The following NXPH1 variants were observed in gnomAD, a reference collection of about 807,000 sequenced individuals.
The protein encoded by NXPH1 is neurexophilin 1, also known as neurexophilin-1.
A neutral mutation model predicts 23.7 loss-of-function variants in NXPH1; 5 were observed. The ratio of observed to expected loss-of-function variants is 0.21; its 90% CI spans 0.11 to 0.44. The LOEUF (loss-of-function observed/expected upper bound fraction) is 0.44, where lower values mean the gene tolerates loss of function less well. Among genes scored for constraint, NXPH1 ranks in the 20% least tolerant of loss-of-function variants. NXPH1 has a pLI of 0.99. For missense variants in NXPH1, 324 were observed against 321.6 expected (o/e 1.01, Z -0.06); for synonymous variants, 144 against 122.2 (o/e 1.18, Z -1.18).
chr7:8,568,996 A>G (rs1818599856), intron 2 of NXPH1, among the ~76,000 whole-genome samples: 1 of 151,926 alleles, frequency 6.6e-6, no homozygotes, highest in Admixed American at 6.6e-5. Context: ...AAGCCTTTAA[A>G]ATATTGACCC....
At chr7:8,579,353 AGTTTTTTTT>A in intron 2 of NXPH1, among the ~76,000 whole-genome samples, 1 of 136,192 alleles carries the variant, frequency 7.3e-6, no homozygotes, top group Non-Finnish European at 1.5e-5. Context: ...ATGGAATTCA[AGTTTTTTTT>A]GTTTTTTTTT....
In NXPH1 at chr7:8,751,310, T is replaced by C. The variant is rs1780561288; in HGVS notation, c.357T>C (p.Phe119=). ...IVKTGKFKKM[F]GWGDFHSNIK... is the part of the protein sequence containing the mutation. ...AAACGGGCAAGTTTAAGAAAATGTT[T>C]GGATGGGGCGATTTTCATTCCAACA... Residue 119 remains phenylalanine (F), a synonymous_variant, in exon 3 of 3, where the codon TTT becomes TTC. Coordinates refer to ENST00000405863, the MANE Select transcript of NXPH1 (RefSeq NM_152745.3). This position sits in a 1 kb window ranked among gnomAD's most constrained non-coding sequence, Gnocchi z 4.5. The C allele has an allele frequency of 6.2e-7, 1 of 1,613,846 alleles. No homozygotes were observed. Among genetic ancestry groups the C allele is most frequent in the Non-Finnish European group, 8.5e-7 (1 of 1,179,878 alleles).
chr7:8,459,369 T>C (rs1816653452), intron 2 of NXPH1, among the ~76,000 whole-genome samples: 1 of 152,148 alleles, frequency 6.6e-6, no homozygotes, highest in Admixed American at 6.5e-5. Flanking sequence ...TTATATTCCA[T>C]TAATTTAACT....
intron 2 of NXPH1, among the ~76,000 whole-genome samples, chr7:8,611,409 T>A (rs1337099541): frequency 1.3e-5 from 2 of 152,258 alleles, no homozygotes; most frequent in African/African-American, 4.8e-5. Flanking sequence ...TTCTACAGAT[T>A]ACTTGCTAAA....
chr7:8,627,951 A>G (rs1291949285), intron 2 of NXPH1, among the ~76,000 whole-genome samples: 1 of 152,152 alleles, frequency 6.6e-6, no homozygotes, highest in Non-Finnish European at 1.5e-5. Flanking sequence ...ATGGGCATAA[A>G]GTATATTACA....
chr7:8,663,473 G>T (rs920249144), intron 2 of NXPH1, among the ~76,000 whole-genome samples: 1 of 151,872 alleles, frequency 6.6e-6, no homozygotes, highest in East Asian at 1.9e-4. Flanking sequence ...AAATCCTTGC[G>T]GCATTTTCAT....
intron 2 of NXPH1, among the ~76,000 whole-genome samples, chr7:8,573,939 G>A (rs533788005): frequency 6.6e-6 from 1 of 152,034 alleles, no homozygotes; most frequent in East Asian, 1.9e-4. Context: ...AAAGTGCTAG[G>A]TCAATTCTAT....
At chr7:8,543,946 CTCT>C (rs1470377710) in intron 2 of NXPH1, among the ~76,000 whole-genome samples, 4 of 151,454 alleles carry the variant, frequency 2.6e-5, no homozygotes, top group African/African-American at 9.7e-5. Flanking sequence ...GCTCGGTTCT[CTCT>C]TATTTTTTCT....
intron 2 of NXPH1, among the ~76,000 whole-genome samples, chr7:8,614,749 G>C (rs977598227): frequency 2.6e-5 from 4 of 152,112 alleles, no homozygotes; most frequent in African/African-American, 9.6e-5. Flanking sequence ...TTATGCAGCT[G>C]TGATGAAAGA....
chr7:8,455,093 A>G (rs1220972667), intron 2 of NXPH1, among the ~76,000 whole-genome samples: 3 of 152,296 alleles, frequency 2.0e-5, no homozygotes, highest in African/African-American at 7.2e-5. Flanking sequence ...GTCTTAGATT[A>G]TCAGAGGTAA....
chr7:8,556,799 C>G (rs1818364676), intron 2 of NXPH1, among the ~76,000 whole-genome samples: 1 of 145,060 alleles, frequency 6.9e-6, no homozygotes, highest in Non-Finnish European at 1.6e-5. Flanking sequence ...GAACTCTTTT[C>G]AAACCAAAGA....
chr7:8,556,418 G>T (rs1316277447), intron 2 of NXPH1, among the ~76,000 whole-genome samples: 1 of 151,674 alleles, frequency 6.6e-6, no homozygotes, highest in African/African-American at 2.4e-5. Flanking sequence ...TGTCAAGTTG[G>T]TTCCGGTTGT....
At chr7:8,531,443 A>G (rs1392889181) in intron 2 of NXPH1, among the ~76,000 whole-genome samples, 1 of 152,180 alleles carries the variant, frequency 6.6e-6, no homozygotes, top group Non-Finnish European at 1.5e-5. Flanking sequence ...AGTGAGGTGG[A>G]TGGCATAATG....
intron 2 of NXPH1, among the ~76,000 whole-genome samples, chr7:8,591,782 C>T (rs1819099118): frequency 6.6e-6 from 1 of 151,430 alleles, no homozygotes; most frequent in South Asian, 2.1e-4. Flanking sequence ...ATTTCACTCA[C>T]AACTTAATGA....
intron 2 of NXPH1, among the ~76,000 whole-genome samples, chr7:8,566,871 A>G (rs1818557209): frequency 6.6e-6 from 1 of 151,132 alleles, no homozygotes; most frequent in Non-Finnish European, 1.5e-5. Context: ...TCTCTCTCTC[A>G]TCTATCTATC....
chr7:8,570,424 C>T (rs771951888), intron 2 of NXPH1, among the ~76,000 whole-genome samples: 5 of 151,740 alleles, frequency 3.3e-5, no homozygotes, highest in Non-Finnish European at 7.4e-5. Context: ...TAGTACTTAC[C>T]TTATAGGATT....
At chr7:8,485,849 A>G (rs1476619474) in intron 2 of NXPH1, among the ~76,000 whole-genome samples, 1 of 152,200 alleles carries the variant, frequency 6.6e-6, no homozygotes, top group African/African-American at 2.4e-5. Flanking sequence ...AATGAAAAGA[A>G]AACCAAGATG....
At position 8,639,907 on chromosome 7, in the gene NXPH1, CT is replaced by C. The variant is rs201652284; in HGVS notation, c.55-111096del. 7.7e-3 allele frequency among the ~76,000 whole-genome samples: 1,171 copies of C among 152,288 alleles called. 22 individuals are homozygous for C. Among genetic ancestry groups the C allele is most frequent in the African/African-American group, 0.027 (1,109 of 41,560 alleles). On this transcript the variant is annotated intron_variant, in intron 2 of 2. Transcript: ENST00000405863. ...TGAAACTGTAAGACCAATTAAACGT[CT>C]TTTTGTTCTCAGTTTCAGGTATGTT...
intron 2 of NXPH1, among the ~76,000 whole-genome samples, chr7:8,452,308 T>C (rs1816520178): frequency 6.6e-6 from 1 of 152,208 alleles, no homozygotes; most frequent in South Asian, 2.1e-4. Flanking sequence ...GTCTTTTTGA[T>C]ATACTCTTTC....
Sources: gnomAD v4.1 joint callset for allele counts (sites outside exome capture counted in the v4.1 genomes callset) on GRCh38, gnomAD v4.1.1 for gene constraint, Gnocchi (gnomAD v3.1) non-coding constraint, MANE v1.5 for transcripts, NCBI Gene and HGNC (gene_info 2026-07-23, HGNC 2026-07-21) for gene names.